The following SLC30A4 variants were observed in gnomAD, a reference collection of about 807,000 sequenced individuals.
SLC30A4 encodes solute carrier family 30 member 4.
Under a neutral mutation model 41.7 loss-of-function variants are expected in SLC30A4, and 20 were observed. That is an observed-to-expected ratio of 0.48 (90% CI 0.34 to 0.70). The LOEUF (loss-of-function observed/expected upper bound fraction) is 0.70. Ranked by LOEUF, SLC30A4 falls within the 30% of genes least tolerant of loss-of-function variation. The probability of loss-of-function intolerance (pLI) is 0.01; values close to 1 mark genes in which losing one functional copy is unlikely to be tolerated. For synonymous variants in SLC30A4, 181 were observed against 195.9 expected (o/e 0.92, Z 0.64); for missense variants, 441 against 529.3 (o/e 0.83, Z 1.64).
At chr15:45,490,986 A>G (rs972335671) in intron 3 of SLC30A4, 105 bp from the exon 4 acceptor site, 6 of 712,860 alleles carry the variant, frequency 8.4e-6, no homozygotes, top group Admixed American at 6.4e-5. Context: ...CTCTAAGGAG[A>G]TAAAAGCCCT....
chr15:45,501,254 G>A (rs1461489531), intron 3 of SLC30A4, among the ~76,000 whole-genome samples: 3 of 151,834 alleles, frequency 2.0e-5, no homozygotes, highest in African/African-American at 7.3e-5. Flanking sequence ...CTTGCAGGGA[G>A]CCAAGATCGT....
At chr15:45,509,497 G>A (rs1371176745) in intron 3 of SLC30A4, among the ~76,000 whole-genome samples, 5 of 152,092 alleles carry the variant, frequency 3.3e-5, no homozygotes, top group South Asian at 2.1e-4. Flanking sequence ...CAGGTGATCC[G>A]CCCACCTCGG....
chr15:45,491,421 G>A (rs1395887337), intron 3 of SLC30A4, among the ~76,000 whole-genome samples: 3 of 152,154 alleles, frequency 2.0e-5, no homozygotes, highest in African/African-American at 4.8e-5. Flanking sequence ...ATAGAAAAAA[G>A]TACACTCAAA....
chr15:45,490,542 C>T (rs182487261), intron 4 of SLC30A4, among the ~76,000 whole-genome samples, 186 bp downstream of exon 4: 263 of 152,334 alleles, frequency 1.7e-3, no homozygotes, highest in African/African-American at 6.1e-3. Context: ...TTGACTCAAT[C>T]TCCAATATAC....
chr15:45,499,682 T>C (rs1407431122), intron 3 of SLC30A4, among the ~76,000 whole-genome samples: 2 of 152,180 alleles, frequency 1.3e-5, no homozygotes, highest in East Asian at 1.9e-4. Context: ...TCCTACAGTG[T>C]GGTTTCATTA....
At chr15:45,495,297 A>G (rs768219716) in intron 3 of SLC30A4, among the ~76,000 whole-genome samples, 20 of 152,208 alleles carry the variant, frequency 1.3e-4, no homozygotes, top group Non-Finnish European at 2.1e-4. Flanking sequence ...TAGGTTGTCT[A>G]TACTTTCCAA....
At chr15:45,521,828 T>G (rs1892675452) in intron 2 of SLC30A4, 136 bp downstream of exon 2, 1 of 853,300 alleles carries the variant, frequency 1.2e-6, no homozygotes, top group African/African-American at 1.7e-5. Flanking sequence ...CGTGTGGCCT[T>G]TTCACATGAG....
Position 45,484,456 on chromosome 15 carries a change from T to C in SLC30A4, c.*707A>G, listed in dbSNP as rs150122492. 1 of 152,324 alleles carries C rather than the reference T, an allele frequency of 6.6e-6. No individual in the cohort carries two copies. Among genetic ancestry groups the C allele is most frequent in the Non-Finnish European group, 1.5e-5 (1 of 68,026 alleles). The allele number at this position is 152,324 out of a possible 1,614,324, so 9.4% of individuals were successfully genotyped here. A position where few individuals can be genotyped will look rare whatever the true frequency, so the allele number is the denominator to read the frequency against. On this transcript the variant is annotated 3_prime_UTR_variant, in exon 8 of 8. Coordinates refer to ENST00000261867, the MANE Select transcript of SLC30A4 (RefSeq NM_013309.6). ...CCATTCAGAATAATATTGAAAGTAT[T>C]TCCTAAATCATTTAATAACAGTGAC...
intron 2 of SLC30A4, among the ~76,000 whole-genome samples, chr15:45,519,851 A>G (rs1031180427): frequency 6.6e-6 from 1 of 152,250 alleles, no homozygotes; most frequent in African/African-American, 2.4e-5. Flanking sequence ...AACTTCAAAA[A>G]TCATTAAACC....
chr15:45,517,775 C>T (rs1021110819), intron 2 of SLC30A4, among the ~76,000 whole-genome samples: 3 of 151,702 alleles, frequency 2.0e-5, no homozygotes, highest in East Asian at 2.0e-4. Flanking sequence ...GGTGAAACCC[C>T]GTCTCTACTA....
intron 2 of SLC30A4, among the ~76,000 whole-genome samples, chr15:45,521,407 G>A (rs1204197974): frequency 6.6e-6 from 1 of 151,994 alleles, no homozygotes. Flanking sequence ...AAAGGAAATC[G>A]TATAAAAGAA....
At chr15:45,519,511 T>C (rs1387490995) in intron 2 of SLC30A4, 4 of 152,224 alleles carry the variant, frequency 2.6e-5, no homozygotes, top group Non-Finnish European at 4.4e-5. Flanking sequence ...TATAAGCGCT[T>C]TGGACACACT....
chr15:45,485,713 T>G (rs564317087), intron 7 of SLC30A4, among the ~76,000 whole-genome samples: 1 of 152,050 alleles, frequency 6.6e-6, no homozygotes, highest in East Asian at 1.9e-4. Flanking sequence ...TGGGAAATAT[T>G]CTTTCTTTTT....
At position 45,490,728 on chromosome 15, in the gene SLC30A4, A is replaced by G. The variant is rs1891794966; in HGVS notation, c.692T>C (p.Ile231Thr). ...TAAVGVAVNVIMGFLLNQSGH... is the reference protein window; with the variant it reads ...TAAVGVAVNVTMGFLLNQSGH... Reference sequence around the variant, plus strand: ...TTAATGTGAAAAAAATAGAGCTTACATTACATTAACTGCAACTCCAACAGC... The same window carrying G: ...TTAATGTGAAAAAAATAGAGCTTACGTTACATTAACTGCAACTCCAACAGC... The change falls in exon 4 of 8, where the codon ATA becomes ACA. Residue 231 changes from isoleucine to threonine, a missense_variant and splice_region_variant. By Grantham distance (89) the Ile-to-Thr change is moderately conservative. Coordinates refer to ENST00000261867, the MANE Select transcript of SLC30A4 (RefSeq NM_013309.6). The G allele has an allele frequency of 1.9e-6, 3 of 1,593,382 alleles. No individual in the cohort carries two copies. The highest frequency in any genetic ancestry group is 2.7e-5 in the African/African-American group (2 of 74,058).
chr15:45,520,950 G>A (rs1254674081), intron 2 of SLC30A4: 2 of 439,026 alleles, frequency 4.6e-6, no homozygotes, highest in African/African-American at 4.2e-5. Context: ...GGCAAAAAGA[G>A]CTTTGTGAGT....
At position 45,485,842 on chromosome 15, in the gene SLC30A4, C is replaced by T. The variant is rs148518654; in HGVS notation, c.1136-525G>A. ...AAGCAATTCTCCTGCCTCAGCCTCC[C>T]GAGTAGCTGGGATTACAGGCACGTG... On this transcript the variant is annotated intron_variant, in intron 7 of 7. Coordinates refer to ENST00000261867, the MANE Select transcript of SLC30A4 (RefSeq NM_013309.6). 5.0e-4 allele frequency among the ~76,000 whole-genome samples: 76 copies of T among 151,920 alleles called. 1 individual carries two copies. The highest frequency in any genetic ancestry group is 1.7e-3 in the African/African-American group (72 of 41,424).
At position 45,522,087 on chromosome 15, in the gene SLC30A4, AACT is replaced by A; in HGVS notation, c.265_267del (p.Ser89del). On this transcript the variant is annotated inframe_deletion, in exon 2 of 8. Coordinates refer to ENST00000261867, the MANE Select transcript of SLC30A4 (RefSeq NM_013309.6). ...CAGTTGTCACAGGAGTCCACCTTCAAACTCAGCTGACTGTTGGTCAAAGGTAAG... is the reference window on the plus strand; with the variant it reads ...CAGTTGTCACAGGAGTCCACCTTCAACAGCTGACTGTTGGTCAAAGGTAAG... The A allele has an allele frequency of 6.2e-7, 1 of 1,614,212 alleles. No homozygotes were observed. Among genetic ancestry groups the A allele is most frequent in the Non-Finnish European group, 8.5e-7 (1 of 1,180,030 alleles).
chr15:45,501,523 CAG>C (rs1357545909), intron 3 of SLC30A4, among the ~76,000 whole-genome samples: 1 of 152,100 alleles, frequency 6.6e-6, no homozygotes, highest in African/African-American at 2.4e-5. Flanking sequence ...TTGTTTTAGA[CAG>C]AGTCTTGCTC....
At chr15:45,503,427 G>A (rs1892082324) in intron 3 of SLC30A4, among the ~76,000 whole-genome samples, 2 of 151,870 alleles carry the variant, frequency 1.3e-5, no homozygotes, top group South Asian at 4.2e-4. Context: ...GACCAGCATG[G>A]CCAATATGGT....
Sources: gnomAD v4.1 joint callset for allele counts (sites outside exome capture counted in the v4.1 genomes callset) on GRCh38, gnomAD v4.1.1 for gene constraint, MANE v1.5 for transcripts, NCBI Gene and HGNC (gene_info 2026-07-23, HGNC 2026-07-21) for gene names.